The following DRC11 variants were observed in gnomAD, a reference collection of about 807,000 sequenced individuals.
The protein encoded by DRC11 is dynein regulatory complex subunit 11, also known as IQ and AAA domain-containing protein 1.
the DRC11 span, among the ~76,000 whole-genome samples, chr2:236,312,829 G>A: frequency 6.6e-6 from 1 of 151,732 alleles, no homozygotes; most frequent in Non-Finnish European, 1.5e-5. Flanking sequence ...AAAGAGAAAA[G>A]GCACAAAAAA....
chr2:236,455,055 AAGAAGTAGGAG>A, the DRC11 span: 2 of 152,220 alleles, frequency 1.3e-5, no homozygotes, highest in Non-Finnish European at 2.9e-5. This position sits in a 1 kb window ranked among gnomAD's most constrained non-coding sequence, Gnocchi z 5.7. Context: ...TGAAGATGCT[AAGAAGTAGGAG>A]AGAGGCAATT....
chr2:236,382,868 G>A, the DRC11 span, among the ~76,000 whole-genome samples: 1 of 152,126 alleles, frequency 6.6e-6, no homozygotes, highest in Non-Finnish European at 1.5e-5. Context: ...AATGTCATCT[G>A]TAAACAAAAC....
chr2:236,490,243 T>C, the DRC11 span, among the ~76,000 whole-genome samples: 5,083 of 152,312 alleles, frequency 0.033, 298 homozygotes, highest in African/African-American at 0.11. This position sits in a 1 kb window ranked among gnomAD's most constrained non-coding sequence, Gnocchi z 5.5. Context: ...CTGGTGTTAC[T>C]GTGACCACTT....
At chr2:236,494,741 C>T in the DRC11 span, among the ~76,000 whole-genome samples, 1 of 152,244 alleles carries the variant, frequency 6.6e-6, no homozygotes, top group African/African-American at 2.4e-5. The surrounding 1 kb of genome is among the most constrained non-coding windows in gnomAD (Gnocchi z 4.2). Flanking sequence ...AACATTTAAG[C>T]CTAAGAGGGT....
the DRC11 span, chr2:236,408,926 A>G: frequency 5.9e-6 from 4 of 675,696 alleles, no homozygotes; most frequent in Non-Finnish European, 1.1e-5. The surrounding 1 kb of genome is among the most constrained non-coding windows in gnomAD (Gnocchi z 5.5). Context: ...GGGTCATGCC[A>G]ACCTTGTATC....
At chr2:236,347,357 G>T in the DRC11 span, among the ~76,000 whole-genome samples, 1 of 151,894 alleles carries the variant, frequency 6.6e-6, no homozygotes, top group Admixed American at 6.6e-5. Flanking sequence ...ATTTGATCCA[G>T]CAATCCCACT....
the DRC11 span, among the ~76,000 whole-genome samples, chr2:236,388,842 T>C: frequency 6.6e-6 from 1 of 151,700 alleles, no homozygotes; most frequent in African/African-American, 2.4e-5. Flanking sequence ...GGGTTTTTGG[T>C]GTGGATGTCC....
At chr2:236,334,855 G>A in the DRC11 span, among the ~76,000 whole-genome samples, 1 of 152,038 alleles carries the variant, frequency 6.6e-6, no homozygotes, top group Non-Finnish European at 1.5e-5. The surrounding 1 kb of genome is among the most constrained non-coding windows in gnomAD (Gnocchi z 7.8). Context: ...GATGAATTGG[G>A]TTATTAGCGA....
At chr2:236,309,535 G>A in the DRC11 span, among the ~76,000 whole-genome samples, 2 of 152,100 alleles carry the variant, frequency 1.3e-5, no homozygotes, top group Admixed American at 6.5e-5. The surrounding 1 kb of genome is among the most constrained non-coding windows in gnomAD (Gnocchi z 5.7). Flanking sequence ...GGCTCAAAAC[G>A]GACATTCTTT....
the DRC11 span, among the ~76,000 whole-genome samples, chr2:236,420,088 A>G: frequency 2.6e-5 from 4 of 152,186 alleles, no homozygotes; most frequent in Admixed American, 2.6e-4. This position sits in a 1 kb window ranked among gnomAD's most constrained non-coding sequence, Gnocchi z 4.8. Flanking sequence ...ATCTCCGTAC[A>G]TAGCACTTAG....
the DRC11 span, among the ~76,000 whole-genome samples, chr2:236,450,273 G>C: frequency 5.3e-5 from 8 of 150,980 alleles, no homozygotes; most frequent in East Asian, 1.6e-3. Flanking sequence ...GTCTTTAGGG[G>C]AGTTACATTC....
the DRC11 span, among the ~76,000 whole-genome samples, chr2:236,371,263 G>A: frequency 6.6e-6 from 1 of 152,156 alleles, no homozygotes; most frequent in Non-Finnish European, 1.5e-5. The surrounding 1 kb of genome is among the most constrained non-coding windows in gnomAD (Gnocchi z 5.1). Context: ...CAACGGAATA[G>A]GCAACAGAGG....
At chr2:236,352,950 G>A in the DRC11 span, among the ~76,000 whole-genome samples, 2 of 152,048 alleles carry the variant, frequency 1.3e-5, no homozygotes, top group Non-Finnish European at 2.9e-5. The surrounding 1 kb of genome is among the most constrained non-coding windows in gnomAD (Gnocchi z 7.0). Flanking sequence ...GTTTTTATGC[G>A]TACTGTCACA....
At chr2:236,416,721 TTATATATATA>T in the DRC11 span, among the ~76,000 whole-genome samples, 635 of 64,148 alleles carry the variant, frequency 9.9e-3, 7 homozygotes, top group East Asian at 0.026. Flanking sequence ...ATATATATAT[TTATATATATA>T]TATATATATA....
the DRC11 span, among the ~76,000 whole-genome samples, chr2:236,397,431 G>A: frequency 1.3e-5 from 2 of 152,200 alleles, no homozygotes; most frequent in African/African-American, 2.4e-5. This position sits in a 1 kb window ranked among gnomAD's most constrained non-coding sequence, Gnocchi z 5.0. Context: ...CCCTCTGTGA[G>A]TCCCTTCTTG....
chr2:236,336,089 G>A, the DRC11 span, among the ~76,000 whole-genome samples: 2 of 152,150 alleles, frequency 1.3e-5, no homozygotes, highest in Admixed American at 6.5e-5. This position sits in a 1 kb window ranked among gnomAD's most constrained non-coding sequence, Gnocchi z 7.3. Context: ...GGCCCTAAAA[G>A]ATGAAGAAGG....
At chr2:236,393,649 G>C in the DRC11 span, among the ~76,000 whole-genome samples, 6 of 152,236 alleles carry the variant, frequency 3.9e-5, no homozygotes, top group African/African-American at 1.4e-4. The surrounding 1 kb of genome is among the most constrained non-coding windows in gnomAD (Gnocchi z 4.7). Flanking sequence ...TGGCAAAAGG[G>C]ATGGACAAGG....
the DRC11 span, among the ~76,000 whole-genome samples, chr2:236,400,682 GC>G: frequency 6.6e-6 from 1 of 152,162 alleles, no homozygotes; most frequent in African/African-American, 2.4e-5. This position sits in a 1 kb window ranked among gnomAD's most constrained non-coding sequence, Gnocchi z 7.9. Flanking sequence ...GCGCGGGCGT[GC>G]CTCCCCTGGG....
the DRC11 span, among the ~76,000 whole-genome samples, chr2:236,463,128 T>C: frequency 1.3e-5 from 2 of 152,184 alleles, no homozygotes; most frequent in East Asian, 3.8e-4. The surrounding 1 kb of genome is among the most constrained non-coding windows in gnomAD (Gnocchi z 5.0). Context: ...TTTGCTGATA[T>C]ACTAACATTA....
Sources: allele counts gnomAD v4.1 joint callset (sites outside exome capture counted in the v4.1 genomes callset), GRCh38; gene constraint gnomAD v4.1.1; non-coding constraint Gnocchi (gnomAD v3.1); transcripts MANE v1.5; gene names NCBI Gene and HGNC (gene_info 2026-07-23, HGNC 2026-07-21).